The following ENTPD1 variants were observed in gnomAD, a reference collection of about 807,000 sequenced individuals.
ENTPD1 encodes ectonucleoside triphosphate diphosphohydrolase 1.
ENTPD1 carries 33 observed loss-of-function variants against 57.0 expected under a neutral mutation model. That is an observed-to-expected ratio of 0.58 (90% CI 0.44 to 0.77). The LOEUF (loss-of-function observed/expected upper bound fraction) is 0.77. Among genes scored for constraint, ENTPD1 ranks in the 30% least tolerant of loss-of-function variants. ENTPD1 has a pLI of 0.00. For synonymous variants in ENTPD1, 202 were observed against 218.8 expected, an observed-to-expected ratio of 0.92 and a Z score of 0.68; for missense variants, 501 against 603.4, an observed-to-expected ratio of 0.83 and a Z score of 1.78.
intron 1 of ENTPD1, among the ~76,000 whole-genome samples, chr10:95,748,997 G>T (rs1052341115): frequency 1.3e-5 from 2 of 152,278 alleles, no homozygotes; most frequent in East Asian, 3.9e-4. Flanking sequence ...CAGCTTCAGA[G>T]GATGTGATGT....
chr10:95,793,441 T>C (rs1199523281), intron 1 of ENTPD1, among the ~76,000 whole-genome samples: 2 of 152,154 alleles, frequency 1.3e-5, no homozygotes, highest in Admixed American at 6.5e-5. Context: ...ACCCACTGTA[T>C]CCCTAAAAGG....
intron 1 of ENTPD1, chr10:95,785,166 G>GCAGT (rs2098174119): frequency 6.6e-6 from 1 of 152,172 alleles, no homozygotes; most frequent in South Asian, 2.1e-4. Context: ...AACTCCCGTT[G>GCAGT]CAGTGTCTGG....
intron 2 of ENTPD1, among the ~76,000 whole-genome samples, chr10:95,827,255 C>T (rs544252401): frequency 6.6e-6 from 1 of 152,020 alleles, no homozygotes; most frequent in Admixed American, 6.5e-5. Flanking sequence ...AGTTCAAGAC[C>T]AGCCTGGCCA....
intron 1 of ENTPD1, among the ~76,000 whole-genome samples, chr10:95,724,745 T>C (rs2097981777): frequency 6.6e-6 from 1 of 152,102 alleles, no homozygotes; most frequent in Non-Finnish European, 1.5e-5. Flanking sequence ...ACAGCAGTGG[T>C]GGATGGCAAG....
At chr10:95,740,459 C>T (rs2097999184) in intron 1 of ENTPD1, among the ~76,000 whole-genome samples, 1 of 152,210 alleles carries the variant, frequency 6.6e-6, no homozygotes, top group Admixed American at 6.5e-5. Flanking sequence ...CTAGGATTTT[C>T]AGAATGGTCA....
chr10:95,717,989 T>C (rs1315172374), intron 1 of ENTPD1, among the ~76,000 whole-genome samples: 1 of 152,174 alleles, frequency 6.6e-6, no homozygotes, highest in African/African-American at 2.4e-5. Context: ...GATTGAAATG[T>C]ATGGCCTGAA....
chr10:95,763,752 A>G (rs1443330219), intron 1 of ENTPD1, among the ~76,000 whole-genome samples: 2 of 152,234 alleles, frequency 1.3e-5, no homozygotes, highest in African/African-American at 4.8e-5. Context: ...GCAGGCAAAG[A>G]AAACGAATAC....
intron 1 of ENTPD1, among the ~76,000 whole-genome samples, chr10:95,739,075 G>A (rs1444262289): frequency 5.3e-5 from 8 of 152,156 alleles, no homozygotes; most frequent in Admixed American, 5.2e-4. Context: ...AAAGTACAAT[G>A]TATATACCTT....
chr10:95,738,599 T>C (rs975693975), intron 1 of ENTPD1, among the ~76,000 whole-genome samples: 1 of 152,118 alleles, frequency 6.6e-6, no homozygotes, highest in Non-Finnish European at 1.5e-5. Context: ...GTTGGTGAGA[T>C]GGAGAAGACC....
rs1295810385 is a variant in ENTPD1, at chr10:95,874,461, G to A, written c.*8078G>A. Reference sequence around the variant, plus strand: ...TGTGCAGCTCCGCCCCTGTGGCTTTGCAGAGTACAGCCTCCCTCCTGGCTG... The same window carrying A: ...TGTGCAGCTCCGCCCCTGTGGCTTTACAGAGTACAGCCTCCCTCCTGGCTG... On this transcript the variant is annotated 3_prime_UTR_variant, in exon 10 of 10. Coordinates refer to ENST00000371205, the MANE Select transcript of ENTPD1 (RefSeq NM_001776.6). 6.6e-6 allele frequency among the ~76,000 whole-genome samples: 1 copy of A among 152,204 alleles called. No individual in the cohort carries two copies. The highest frequency in any genetic ancestry group is 1.5e-5 in the Non-Finnish European group (1 of 68,038).
chr10:95,774,481 T>C (rs537320053), intron 1 of ENTPD1, among the ~76,000 whole-genome samples: 1 of 152,356 alleles, frequency 6.6e-6, no homozygotes, highest in South Asian at 2.1e-4. Context: ...ATTTAAGTCT[T>C]TAATCCTTCT....
At chr10:95,761,312 A>G (rs1268073932) in intron 1 of ENTPD1, among the ~76,000 whole-genome samples, 1 of 152,178 alleles carries the variant, frequency 6.6e-6, no homozygotes, top group East Asian at 1.9e-4. Context: ...AAACTTTAGC[A>G]TGAGTATGTA....
Position 95,758,002 on chromosome 10 carries a change from C to CAAAAAAAA in ENTPD1, c.16+1768_16+1775dup, listed in dbSNP as rs57407553. Among the ~76,000 whole-genome samples the CAAAAAAAA allele has an allele frequency of 1.1e-3, 30 of 26,398 alleles. 2 individuals carry two copies. Among genetic ancestry groups the CAAAAAAAA allele is most frequent in the East Asian group, 3.5e-3 (2 of 578 alleles). The allele number at this position is 26,398 out of a possible 152,430, so 17.3% of individuals were successfully genotyped here. On this transcript the variant is annotated intron_variant, in intron 1 of 9. Coordinates refer to ENST00000371205, the MANE Select transcript of ENTPD1 (RefSeq NM_001776.6). ...CCTGGGCGAGAGTGAGACACTGTCTCAAAAAAAAAAAAAAAAAAAAAAAAA... is the reference window on the plus strand; with the variant it reads ...CCTGGGCGAGAGTGAGACACTGTCTCAAAAAAAAAAAAAAAAAAAAAAAAAAAAAAAAA...
chr10:95,823,973 A>G lies in ENTPD1; in HGVS notation c.144+609A>G, dbSNP rs556711885. 2.2e-4 allele frequency among the ~76,000 whole-genome samples: 34 copies of G among 152,364 alleles called. No homozygotes were observed. The South Asian group carries it at 6.8e-3, about 31-fold the overall frequency. ...TCTTGTGACATTTCTACATTTGAACAACTAGTTAATATCATTAAAGATCAT... is the reference window on the plus strand; with the variant it reads ...TCTTGTGACATTTCTACATTTGAACGACTAGTTAATATCATTAAAGATCAT... On this transcript the variant is annotated intron_variant, in intron 2 of 9. Transcript: ENST00000371205.
Position 95,827,683 on chromosome 10 carries a change from C to T in ENTPD1, c.144+4319C>T, listed in dbSNP as rs544289187. ...GTATTTAGTAGAGACGGGGTTTCACCTTGTTGGCCAGGATGGTCTCCATCT... is the reference window on the plus strand; with the variant it reads ...GTATTTAGTAGAGACGGGGTTTCACTTTGTTGGCCAGGATGGTCTCCATCT... On this transcript the variant is annotated intron_variant, in intron 2 of 9. Coordinates refer to ENST00000371205, the MANE Select transcript of ENTPD1 (RefSeq NM_001776.6). 2.1e-3 allele frequency among the ~76,000 whole-genome samples: 323 copies of T among 152,156 alleles called. 1 individual carries two copies. The highest frequency in any genetic ancestry group is 7.3e-3 in the African/African-American group (304 of 41,506).
intron 1 of ENTPD1, among the ~76,000 whole-genome samples, chr10:95,727,774 T>A (rs759401128): frequency 2.6e-5 from 4 of 152,310 alleles, no homozygotes; most frequent in Admixed American, 6.5e-5. Context: ...TTAATAGAAG[T>A]TCTCTTAGCA....
At chr10:95,826,294 C>T (rs552788424) in intron 2 of ENTPD1, among the ~76,000 whole-genome samples, 14 of 152,068 alleles carry the variant, frequency 9.2e-5, no homozygotes, top group Non-Finnish European at 7.4e-5. Flanking sequence ...CAGGCAGGGC[C>T]GAGCACGGTG....
chr10:95,806,113 C>T (rs943556144), intron 1 of ENTPD1, among the ~76,000 whole-genome samples: 76 of 148,952 alleles, frequency 5.1e-4, no homozygotes, highest in South Asian at 1.1e-3. Flanking sequence ...TTCTCCCTGT[C>T]ACTTTCAGGT....
Position 95,866,206 on chromosome 10 carries a change from GGGCTA to G in ENTPD1, c.1357_1361del (p.Gly453HisfsTer11). 2 of 1,614,058 alleles carry G rather than the reference GGGCTA, an allele frequency of 1.2e-6. No homozygotes were observed. Among genetic ancestry groups the G allele is most frequent in the Non-Finnish European group, 1.7e-6 (2 of 1,179,984 alleles). On this transcript the variant is annotated frameshift_variant, in exon 10 of 10. Coordinates refer to ENST00000371205, the MANE Select transcript of ENTPD1 (RefSeq NM_001776.6). LOFTEE classifies it high-confidence loss of function. ...AGGGCAGCGACGCCGGCTGGACTTT[GGGCTA>G]CATGCTGAACCTGACCAACATGATC...
Sources: gnomAD v4.1 joint callset for allele counts (sites outside exome capture counted in the v4.1 genomes callset) on GRCh38, gnomAD v4.1.1 for gene constraint, MANE v1.5 for transcripts, NCBI Gene and HGNC (gene_info 2026-07-23, HGNC 2026-07-21) for gene names.